CTNNA3: variants seen among roughly 807,000 people sequenced by gnomAD.
CTNNA3 encodes catenin alpha 3.
Under a neutral mutation model 95.7 loss-of-function variants are expected in CTNNA3, and 76 were observed. The ratio of observed to expected loss-of-function variants is 0.79; its 90% confidence interval spans 0.66 to 0.96. The LOEUF (loss-of-function observed/expected upper bound fraction) is 0.96. CTNNA3 is among the 40% of genes least tolerant of loss of function. The pLI is 0.00. For missense variants in CTNNA3, 1,191 were observed against 1,089.8 expected (o/e 1.09, Z -1.31); for synonymous variants, 431 against 374.4 (o/e 1.15, Z -1.74).
chr10:66,936,850 C>T (rs144948123), intron 7 of CTNNA3, among the ~76,000 whole-genome samples: 63 of 152,236 alleles, frequency 4.1e-4, no homozygotes, highest in African/African-American at 1.5e-3. Context: ...CTTCCAAGGG[C>T]ACTCACCTTT....
intron 13 of CTNNA3, among the ~76,000 whole-genome samples, chr10:66,245,169 C>A (rs1430514885): frequency 1.3e-5 from 2 of 152,182 alleles, no homozygotes; most frequent in Non-Finnish European, 2.9e-5. Flanking sequence ...GTCAGACATG[C>A]CAGCTGCTGC....
chr10:66,318,263 T>TAG (rs1429757270), intron 12 of CTNNA3, among the ~76,000 whole-genome samples: 6 of 90,422 alleles, frequency 6.6e-5, no homozygotes, highest in Non-Finnish European at 1.6e-4. Context: ...TGCTGGGAGA[T>TAG]ATATATATAT....
chr10:66,649,198 T>C (rs978111812), intron 9 of CTNNA3, among the ~76,000 whole-genome samples: 6 of 151,332 alleles, frequency 4.0e-5, no homozygotes, highest in African/African-American at 1.5e-4. Context: ...TTGATTAGAG[T>C]GAATTAAGGA....
At chr10:66,119,728 C>T (rs185953116) in intron 13 of CTNNA3, among the ~76,000 whole-genome samples, 3 of 150,544 alleles carry the variant, frequency 2.0e-5, no homozygotes, top group Admixed American at 6.7e-5. Flanking sequence ...GTTTTTCATT[C>T]GTTCATGTAT....
intron 7 of CTNNA3, among the ~76,000 whole-genome samples, chr10:66,948,118 T>A (rs769927233): frequency 5.3e-5 from 8 of 152,212 alleles, no homozygotes; most frequent in Admixed American, 2.6e-4. Flanking sequence ...ATCACCATCA[T>A]ATATGTAGTC....
At chr10:66,052,440 G>A (rs2079978171) in intron 15 of CTNNA3, among the ~76,000 whole-genome samples, 1 of 106,880 alleles carries the variant, frequency 9.4e-6, no homozygotes, top group Non-Finnish European at 2.2e-5. Flanking sequence ...TCAAGGTAAA[G>A]CATTCGAGGT....
chr10:66,433,118 T>C (rs1400218759), intron 11 of CTNNA3, among the ~76,000 whole-genome samples: 1 of 152,216 alleles, frequency 6.6e-6, no homozygotes, highest in Admixed American at 6.5e-5. Flanking sequence ...TATGTGTACA[T>C]GTGTTTTTAT....
intron 5 of CTNNA3, among the ~76,000 whole-genome samples, chr10:67,392,575 T>C (rs1239270160): frequency 6.6e-6 from 1 of 152,220 alleles, no homozygotes. Flanking sequence ...CAAAGGACTA[T>C]AAATCATGCT....
intron 11 of CTNNA3, among the ~76,000 whole-genome samples, chr10:66,395,764 C>T (rs547984723): frequency 1.3e-5 from 2 of 151,882 alleles, no homozygotes; most frequent in Non-Finnish European, 2.9e-5. Flanking sequence ...CTTAAGAGTT[C>T]TCTATTTCTT....
At chr10:66,988,493 C>A (rs539417429) in intron 7 of CTNNA3, among the ~76,000 whole-genome samples, 1 of 152,260 alleles carries the variant, frequency 6.6e-6, no homozygotes, top group East Asian at 1.9e-4. Flanking sequence ...AAAGCTCCAA[C>A]TTCTGTGTAT....
In CTNNA3 at chr10:66,926,286, C is replaced by G. The variant is rs547503964; in HGVS notation, c.1048-150762G>C. On this transcript the variant is annotated intron_variant, in intron 7 of 17. Transcript: ENST00000433211. ...GTTTTTTTTTTAACCGCCCCCTCCC[C>G]ACCCCCCAAAAAACTGTAAAGATGC... is the stretch of plus-strand genomic sequence containing the variant. 21 of 510,090 alleles carry G rather than the reference C, an allele frequency of 4.1e-5. No homozygotes were observed. In the African/African-American group the frequency reaches 4.2e-4, roughly 10 times the overall value. 31.6% of individuals were successfully genotyped at this position (510,090 alleles called of 1,614,324 possible).
chr10:67,265,825 G>C (rs757643254), intron 5 of CTNNA3, among the ~76,000 whole-genome samples: 3 of 152,122 alleles, frequency 2.0e-5, no homozygotes, highest in Non-Finnish European at 4.4e-5. Flanking sequence ...AGGAATCAAA[G>C]ATTACTTCCT....
intron 7 of CTNNA3, among the ~76,000 whole-genome samples, chr10:67,118,692 T>C (rs538012498): frequency 2.6e-5 from 4 of 151,966 alleles, no homozygotes; most frequent in South Asian, 4.2e-4. Context: ...ACAGTAGTAA[T>C]AGAATAAAAA....
At chr10:67,579,924 G>C (rs1482191299) in intron 3 of CTNNA3, among the ~76,000 whole-genome samples, 1 of 152,104 alleles carries the variant, frequency 6.6e-6, no homozygotes. Flanking sequence ...TTGTAAATTT[G>C]TTTAAGTTCT....
chr10:66,777,339 A>G (rs1840342173), intron 7 of CTNNA3, among the ~76,000 whole-genome samples: 1 of 151,774 alleles, frequency 6.6e-6, no homozygotes, highest in South Asian at 2.1e-4. Flanking sequence ...ACCATGTTTT[A>G]GTTTCTTATA....
At chr10:66,233,782 A>G (rs2089715552) in intron 13 of CTNNA3, among the ~76,000 whole-genome samples, 1 of 152,188 alleles carries the variant, frequency 6.6e-6, no homozygotes, top group Non-Finnish European at 1.5e-5. Flanking sequence ...GTTATACTTG[A>G]TGATGATCTA....
In CTNNA3 at chr10:66,089,979, G is replaced by A. The variant is rs552626239; in HGVS notation, c.1977+13178C>T. ...TTTTATATTATTTTAGGAAATTTTA[G>A]TAACAGTAGTTTCTAATTTCATCAT... On this transcript the variant is annotated intron_variant, in intron 14 of 17. Coordinates refer to ENST00000433211, the MANE Select transcript of CTNNA3 (RefSeq NM_013266.4). Among the ~76,000 whole-genome samples the A allele has an allele frequency of 6.0e-4, 91 of 152,010 alleles. 1 individual carries two copies. Among genetic ancestry groups the A allele is most frequent in the African/African-American group, 2.1e-3 (86 of 41,492 alleles).
intron 7 of CTNNA3, among the ~76,000 whole-genome samples, chr10:66,859,319 GA>G (rs1270172710): frequency 1.3e-5 from 2 of 151,188 alleles, no homozygotes; most frequent in Non-Finnish European, 3.0e-5. Context: ...AAATTTACAA[GA>G]AAAAAACAAA....
At chr10:66,605,756 A>C (rs141256748) in intron 10 of CTNNA3, among the ~76,000 whole-genome samples, 1 of 152,272 alleles carries the variant, frequency 6.6e-6, no homozygotes, top group East Asian at 1.9e-4. Context: ...ACAAGCAAAT[A>C]CTGATGGAAT....
Sources: gnomAD v4.1 joint callset for allele counts (sites outside exome capture counted in the v4.1 genomes callset) on GRCh38, gnomAD v4.1.1 for gene constraint, MANE v1.5 for transcripts, NCBI Gene and HGNC (gene_info 2026-07-23, HGNC 2026-07-21) for gene names.